The following PRKN variants were observed in gnomAD, a reference collection of about 807,000 sequenced individuals.
PRKN encodes the protein parkin RBR E3 ubiquitin protein ligase.
A neutral mutation model predicts 59.5 loss-of-function variants in PRKN; 56 were observed. That is an observed-to-expected ratio of 0.94 (90% confidence interval 0.76 to 1.18). PRKN has a LOEUF of 1.18. Ranked by LOEUF, PRKN falls within the 50% of genes most tolerant of loss-of-function variation. The pLI, the probability that PRKN is intolerant of heterozygous loss-of-function variation, is 0.00. For missense variants in PRKN, 657 were observed against 596.4 expected (o/e 1.10, Z -1.06); for synonymous variants, 250 against 222.1 (o/e 1.13, Z -1.12).
intron 1 of PRKN, among the ~76,000 whole-genome samples, chr6:162,703,202 T>G (rs1455454129): frequency 6.6e-6 from 1 of 152,196 alleles, no homozygotes; most frequent in Non-Finnish European, 1.5e-5. Flanking sequence ...ATTTAAAAAG[T>G]AGTACAGAGA....
At chr6:161,672,108 A>G (rs10484813) in intron 7 of PRKN, among the ~76,000 whole-genome samples, 23,341 of 152,120 alleles carry the variant, frequency 0.15, 2,519 homozygotes, top group Admixed American at 0.36. Flanking sequence ...AACCACACTA[A>G]TAAATTATTC....
chr6:162,541,940 T>G (rs1778941569), intron 1 of PRKN, among the ~76,000 whole-genome samples: 1 of 152,184 alleles, frequency 6.6e-6, no homozygotes, highest in Non-Finnish European at 1.5e-5. Flanking sequence ...CCTATGACTA[T>G]CCTGGTCATT....
intron 2 of PRKN, among the ~76,000 whole-genome samples, chr6:162,414,412 GA>G (rs1788503891): frequency 6.6e-6 from 1 of 151,620 alleles, no homozygotes. Context: ...ATGAAGATTA[GA>G]AAGTAGTGAA....
At chr6:162,035,450 T>C (rs1783802643) in intron 5 of PRKN, among the ~76,000 whole-genome samples, 1 of 152,190 alleles carries the variant, frequency 6.6e-6, no homozygotes, top group Non-Finnish European at 1.5e-5. Context: ...AACTTGCCAT[T>C]ATATGATCTG....
intron 7 of PRKN, among the ~76,000 whole-genome samples, chr6:161,714,830 G>A (rs1012812668): frequency 1.3e-5 from 2 of 152,040 alleles, no homozygotes; most frequent in African/African-American, 4.8e-5. Context: ...AGATGTGTTC[G>A]CTTTTGTTCC....
At chr6:162,552,457 T>C (rs953557443) in intron 1 of PRKN, among the ~76,000 whole-genome samples, 1 of 151,860 alleles carries the variant, frequency 6.6e-6, no homozygotes, top group Non-Finnish European at 1.5e-5. Context: ...TGTGGATGGA[T>C]TGGATGTGGG....
At chr6:161,583,195 C>G (rs1302361141) in intron 7 of PRKN, among the ~76,000 whole-genome samples, 1 of 152,112 alleles carries the variant, frequency 6.6e-6, no homozygotes, top group South Asian at 2.1e-4. Context: ...TCTGAGCACA[C>G]AGGGCATAGG....
At chr6:161,424,759 A>G (rs1471038819) in intron 9 of PRKN, among the ~76,000 whole-genome samples, 1 of 152,210 alleles carries the variant, frequency 6.6e-6, no homozygotes, top group Non-Finnish European at 1.5e-5. Context: ...AACCACTGTG[A>G]GCAATCAAAG....
chr6:161,704,294 T>C (rs920127220), intron 7 of PRKN, among the ~76,000 whole-genome samples: 1 of 152,096 alleles, frequency 6.6e-6, no homozygotes, highest in African/African-American at 2.4e-5. Flanking sequence ...GTTGGACTAT[T>C]TTCCCCCCAT....
In PRKN at chr6:161,377,558, T is replaced by C. The variant is rs1315768242; in HGVS notation, c.1167+9236A>G. 1.3e-5 allele frequency among the ~76,000 whole-genome samples: 2 copies of C among 152,210 alleles called. No homozygotes were observed. The highest frequency in any genetic ancestry group is 2.9e-5 in the Non-Finnish European group (2 of 68,042). The stretch of plus-strand genomic sequence containing the variant: ...TTGAAAGAGTGGTGAGGGGAGACCC[T>C]GTCAATAAGCAGAGCCTTGGGCAAC... On this transcript the variant is annotated intron_variant, in intron 10 of 11. Coordinates refer to ENST00000366898, the MANE Select transcript of PRKN (RefSeq NM_004562.3). The surrounding 1 kb of genome is among the most constrained non-coding windows in gnomAD (Gnocchi z 4.2).
At chr6:162,531,347 G>A (rs890931301) in intron 1 of PRKN, among the ~76,000 whole-genome samples, 27 of 152,224 alleles carry the variant, frequency 1.8e-4, no homozygotes, top group Middle Eastern at 3.4e-3. Flanking sequence ...GGGGAATTGC[G>A]GAATTGCAAT....
intron 5 of PRKN, among the ~76,000 whole-genome samples, chr6:161,995,526 C>G (rs1781809681): frequency 6.6e-6 from 1 of 151,824 alleles, no homozygotes; most frequent in Non-Finnish European, 1.5e-5. Context: ...GGACTAATAC[C>G]CAGAATACAC....
In PRKN at chr6:161,410,063, G is replaced by A. The variant is rs1315126972; in HGVS notation, c.1084-23186C>T. 3.9e-5 allele frequency among the ~76,000 whole-genome samples: 6 copies of A among 152,300 alleles called. No homozygotes were observed. The East Asian group carries it at 1.2e-3, about 29-fold the overall frequency. On this transcript the variant is annotated intron_variant, in intron 9 of 11. Transcript: ENST00000366898. This position sits in a 1 kb window ranked among gnomAD's most constrained non-coding sequence, Gnocchi z 5.3. ...TGCTAGGATGCAAAAGATCATAGGT[G>A]TAGGCTCTGGGCAGCCCGTGCATCT...
Position 162,162,873 on chromosome 6 carries a change from T to C in PRKN, c.534+38258A>G, listed in dbSNP as rs1207576327. On this transcript the variant is annotated intron_variant, in intron 4 of 11. Coordinates refer to ENST00000366898, the MANE Select transcript of PRKN (RefSeq NM_004562.3). Reference sequence around the variant, plus strand: ...AAATACAAAAATCAGTGGGGCGTGATGGTGGGCACCTGTAGTCCCAGCTAC... The same window carrying C: ...AAATACAAAAATCAGTGGGGCGTGACGGTGGGCACCTGTAGTCCCAGCTAC... Among the ~76,000 whole-genome samples, 4 of 148,132 alleles carry C rather than the reference T, an allele frequency of 2.7e-5. 2 individuals are homozygous for C. The highest frequency in any genetic ancestry group is 6.0e-5 in the Non-Finnish European group (4 of 67,190).
At chr6:162,376,699 C>T (rs1254180396) in intron 2 of PRKN, among the ~76,000 whole-genome samples, 1 of 136,408 alleles carries the variant, frequency 7.3e-6, no homozygotes, top group Non-Finnish European at 1.6e-5. Flanking sequence ...AATGGACACA[C>T]GGAGAGAGAG....
At chr6:162,187,278 T>G (rs921260223) in intron 4 of PRKN, among the ~76,000 whole-genome samples, 2 of 152,092 alleles carry the variant, frequency 1.3e-5, no homozygotes, top group Admixed American at 1.3e-4. Flanking sequence ...GAAGCAGACA[T>G]TTCCTCTGGT....
chr6:161,573,230 C>T (rs1396717826), intron 7 of PRKN, among the ~76,000 whole-genome samples: 1 of 152,110 alleles, frequency 6.6e-6, no homozygotes, highest in Non-Finnish European at 1.5e-5. Flanking sequence ...CTGTTCGGAT[C>T]CCAAGCACTG....
intron 1 of PRKN, among the ~76,000 whole-genome samples, chr6:162,471,894 C>A (rs1189695547): frequency 6.6e-6 from 1 of 152,122 alleles, no homozygotes; most frequent in East Asian, 1.9e-4. Flanking sequence ...GAATTGCAGC[C>A]ATCTTTTTGG....
rs1167362807 is a variant in PRKN, at chr6:161,353,441, C to T, written c.1286-3230G>A. Among the ~76,000 whole-genome samples, 1 of 152,162 alleles carries T rather than the reference C, an allele frequency of 6.6e-6. No individual in the cohort carries two copies. Among genetic ancestry groups the T allele is most frequent in the African/African-American group, 2.4e-5 (1 of 41,454 alleles). ...TCTGTCCCACCGCATTTCAACACGGCTGTCCATGCTTCCATCGTGCCTATC... is the reference window on the plus strand; with the variant it reads ...TCTGTCCCACCGCATTTCAACACGGTTGTCCATGCTTCCATCGTGCCTATC... On this transcript the variant is annotated intron_variant, in intron 11 of 11. Coordinates refer to ENST00000366898, the MANE Select transcript of PRKN (RefSeq NM_004562.3). The surrounding 1 kb of genome is among the most constrained non-coding windows in gnomAD (Gnocchi z 4.8).
Sources: allele counts gnomAD v4.1 joint callset (sites outside exome capture counted in the v4.1 genomes callset), GRCh38; gene constraint gnomAD v4.1.1; non-coding constraint Gnocchi (gnomAD v3.1); transcripts MANE v1.5; gene names NCBI Gene and HGNC (gene_info 2026-07-23, HGNC 2026-07-21).